MCF2L2: variants seen among roughly 807,000 people sequenced by gnomAD.
MCF2L2 encodes the protein MCF.2 cell line derived transforming sequence-like 2.
In MCF2L2, 102 loss-of-function variants were observed where a neutral mutation model predicts 150.2. That is an observed-to-expected ratio of 0.68 (90% CI 0.58 to 0.80). The LOEUF (loss-of-function observed/expected upper bound fraction) is 0.80. Among genes scored for constraint, MCF2L2 ranks in the 30% least tolerant of loss-of-function variants. The pLI is 0.00. For synonymous variants in MCF2L2, 465 were observed against 491.3 expected, an observed-to-expected ratio of 0.95 and a Z score of 0.71; for missense variants, 1,256 against 1,372.8, an observed-to-expected ratio of 0.91 and a Z score of 1.34.
chr3:183,317,954 T>C lies in MCF2L2; in HGVS notation c.753+114A>G, dbSNP rs776418721. The C allele has an allele frequency of 1.4e-4, 185 of 1,335,384 alleles. 2 individuals carry two copies. In the Middle Eastern group the frequency reaches 5.6e-3, roughly 40 times the overall value. The allele number at this position is 1,335,384 out of a possible 1,614,324, so 82.7% of individuals were successfully genotyped here. On this transcript the variant is annotated intron_variant, in intron 7 of 29. Transcript: ENST00000328913. ...AGATGATCAGTGGCTTCCAAGTCAC[T>C]AAAGAAGAAGGAAAACGAGGGCTTA...
chr3:183,409,333 G>C (rs1715201903), intron 1 of MCF2L2, among the ~76,000 whole-genome samples: 1 of 152,074 alleles, frequency 6.6e-6, no homozygotes, highest in Non-Finnish European at 1.5e-5. Flanking sequence ...AAGCAAATGT[G>C]AGCATTCAAA....
intron 1 of MCF2L2, among the ~76,000 whole-genome samples, chr3:183,399,460 T>C (rs547566485): frequency 6.6e-6 from 1 of 152,304 alleles, no homozygotes; most frequent in East Asian, 1.9e-4. Flanking sequence ...GGTGGGAGCA[T>C]ACCAATAAGT....
At chr3:183,275,408 A>G (rs1320432994) in intron 15 of MCF2L2, among the ~76,000 whole-genome samples, 2 of 152,226 alleles carry the variant, frequency 1.3e-5, no homozygotes, top group African/African-American at 2.4e-5. Flanking sequence ...ATCTTAAGGT[A>G]TTTAGTCAAA....
rs1250914107 is a variant in MCF2L2 at position 183,267,047 on chromosome 3, A to G, written c.1862+9825T>C. 6.6e-6 allele frequency among the ~76,000 whole-genome samples: 1 copy of G among 152,048 alleles called. No individual in the cohort carries two copies. Among genetic ancestry groups the G allele is most frequent in the African/African-American group, 2.4e-5 (1 of 41,400 alleles). On this transcript the variant is annotated intron_variant, in intron 15 of 29. Coordinates refer to ENST00000328913, the MANE Select transcript of MCF2L2 (RefSeq NM_015078.4). This position sits in a 1 kb window ranked among gnomAD's most constrained non-coding sequence, Gnocchi z 5.5. ...GTGATCCTCCTGCCTCGGCCTCCCA[A>G]AGCGCTAGGATTACAGGCGTGAGCC...
Position 183,227,959 on chromosome 3 carries a change from T to C in MCF2L2, c.2115+338A>G. The C allele has an allele frequency of 5.0e-6, 1 of 199,216 alleles. No individual in the cohort carries two copies. The allele number at this position is 199,216 out of a possible 1,614,324, so 12.3% of individuals were successfully genotyped here. Reference sequence around the variant, plus strand: ...CAACATCTCCCTACTTCCTCTAGACTCCAGCCCCTGGCAACCACCCTTCTA... The same window carrying C: ...CAACATCTCCCTACTTCCTCTAGACCCCAGCCCCTGGCAACCACCCTTCTA... On this transcript the variant is annotated intron_variant, in intron 18 of 29. Coordinates refer to ENST00000328913, the MANE Select transcript of MCF2L2 (RefSeq NM_015078.4). The surrounding 1 kb of genome is among the most constrained non-coding windows in gnomAD (Gnocchi z 4.0).
intron 11 of MCF2L2, chr3:183,298,764 T>TGCGCGCACGCGCGCGCGCGC (rs1553776998): frequency 1.7e-5 from 1 of 60,320 alleles, no homozygotes; most frequent in Admixed American, 1.6e-4. Context: ...CAAACACACA[T>TGCGCGCACGCGCGCGCGCGC]GCACACACAC....
rs764961230 is a variant in MCF2L2, at chr3:183,323,287, T to C, written c.551A>G (p.Glu184Gly). The change falls in exon 6 of 30, where the codon GAA becomes GGA. Residue 184 changes from glutamate to glycine, a missense_variant. Physicochemically the swap from Glu to Gly is moderately conservative, Grantham distance 98. Transcript: ENST00000328913. The stretch of plus-strand genomic sequence containing the variant: ...GCGATATTCCAAAGTCCCCCCTAAT[T>C]CCCGGGTCAGTTGGCTTTTGTCGAT... ...GYIDKSQLTR[E>G]LGGTLEYRHG... 8 of 1,613,608 alleles carry C rather than the reference T, an allele frequency of 5.0e-6. No individual in the cohort carries two copies. The South Asian group carries it at 8.8e-5, about 18-fold the overall frequency.
Position 183,267,706 on chromosome 3 carries a change from GT to G in MCF2L2, c.1862+9165del. On this transcript the variant is annotated intron_variant, in intron 15 of 29. Coordinates refer to ENST00000328913, the MANE Select transcript of MCF2L2 (RefSeq NM_015078.4). This position sits in a 1 kb window ranked among gnomAD's most constrained non-coding sequence, Gnocchi z 5.5. ...TTCCATCCAAGGAAGTGTTTTACCT[GT>G]GGTAAGCACGGGGGACAGAATTCTT... 6.6e-6 allele frequency among the ~76,000 whole-genome samples: 1 copy of G among 152,204 alleles called. No homozygotes were observed. Among genetic ancestry groups the G allele is most frequent in the Non-Finnish European group, 1.5e-5 (1 of 68,022 alleles).
chr3:183,304,248 A>C (rs1203668061), intron 10 of MCF2L2, among the ~76,000 whole-genome samples: 1 of 152,218 alleles, frequency 6.6e-6, no homozygotes, highest in Non-Finnish European at 1.5e-5. Context: ...ATTCAACTGA[A>C]AACAGTGCAT....
chr3:183,302,864 T>A (rs1053123936), intron 10 of MCF2L2, among the ~76,000 whole-genome samples: 2 of 152,120 alleles, frequency 1.3e-5, no homozygotes, highest in African/African-American at 4.8e-5. Context: ...ATTATCTCTA[T>A]CTAAAAACTA....
chr3:183,410,818 C>T (rs941921285), intron 1 of MCF2L2, among the ~76,000 whole-genome samples: 1 of 152,218 alleles, frequency 6.6e-6, no homozygotes, highest in African/African-American at 2.4e-5. Context: ...CTACCCCCAT[C>T]CCAAGATCCA....
intron 17 of MCF2L2, among the ~76,000 whole-genome samples, chr3:183,229,172 A>G (rs1723458559): frequency 6.6e-6 from 1 of 152,184 alleles, no homozygotes; most frequent in African/African-American, 2.4e-5. Context: ...TTTGAAGATG[A>G]TTTCCAAAGT....
intron 3 of MCF2L2, among the ~76,000 whole-genome samples, chr3:183,361,475 T>G (rs1489993247): frequency 6.6e-6 from 1 of 152,254 alleles, no homozygotes; most frequent in Non-Finnish European, 1.5e-5. Context: ...TGAGTTCTCA[T>G]GAGATCTGAT....
In MCF2L2 at chr3:183,270,329, T is replaced by C. The variant is rs140197372; in HGVS notation, c.1862+6543A>G. ...CTCTGAAATTACTTATGCAGTTCAG[T>C]TGGGCAAATACCTATTGTCCACATG... is the stretch of plus-strand genomic sequence containing the variant. On this transcript the variant is annotated intron_variant, in intron 15 of 29. Transcript: ENST00000328913. This position sits in a 1 kb window ranked among gnomAD's most constrained non-coding sequence, Gnocchi z 4.5. 1.1e-4 allele frequency: 179 copies of C among 1,614,162 alleles called. No individual in the cohort carries two copies. Among genetic ancestry groups the C allele is most frequent in the Non-Finnish European group, 1.2e-4 (140 of 1,180,002 alleles).
At chr3:183,310,239 C>T (rs575141517) in intron 9 of MCF2L2, among the ~76,000 whole-genome samples, 16 of 152,068 alleles carry the variant, frequency 1.1e-4, no homozygotes, top group South Asian at 4.2e-4. Flanking sequence ...CAGTGGCTCA[C>T]GCCTGTAATC....
chr3:183,267,896 T>C lies in MCF2L2; in HGVS notation c.1862+8976A>G, dbSNP rs1420577869. Among the ~76,000 whole-genome samples the C allele has an allele frequency of 6.6e-6, 1 of 152,186 alleles. No homozygotes were observed. Among genetic ancestry groups the C allele is most frequent in the Non-Finnish European group, 1.5e-5 (1 of 68,024 alleles). ...GTAAACAGTGGCTCCACCCCCGGCA[T>C]GGTTCTTTGCACCAACATTTGGGGA... is the stretch of plus-strand genomic sequence containing the variant. On this transcript the variant is annotated intron_variant, in intron 15 of 29. Transcript: ENST00000328913. The surrounding 1 kb of genome is among the most constrained non-coding windows in gnomAD (Gnocchi z 5.5).
intron 3 of MCF2L2, among the ~76,000 whole-genome samples, chr3:183,356,745 T>C (rs968614621): frequency 6.6e-6 from 1 of 152,156 alleles, no homozygotes; most frequent in South Asian, 2.1e-4. Context: ...CAACCAAAGA[T>C]CTTCTGAATT....
chr3:183,342,445 C>T (rs1730738113), intron 3 of MCF2L2, among the ~76,000 whole-genome samples: 1 of 152,062 alleles, frequency 6.6e-6, no homozygotes, highest in African/African-American at 2.4e-5. Context: ...TGGTTAAAAG[C>T]ACAGATTCTG....
At chr3:183,239,731 G>C (rs1723927179) in intron 15 of MCF2L2, among the ~76,000 whole-genome samples, 1 of 152,176 alleles carries the variant, frequency 6.6e-6, no homozygotes, top group South Asian at 2.1e-4. Context: ...ATGTCAGAAA[G>C]CATTACAGAT....
Sources: allele counts gnomAD v4.1 joint callset (sites outside exome capture counted in the v4.1 genomes callset), GRCh38; gene constraint gnomAD v4.1.1; non-coding constraint Gnocchi (gnomAD v3.1); transcripts MANE v1.5; gene names NCBI Gene and HGNC (gene_info 2026-07-23, HGNC 2026-07-21).